PMM2: variants seen among roughly 807,000 people sequenced by gnomAD.
The protein encoded by PMM2 is phosphomannomutase 2.
Under a neutral mutation model 33.2 loss-of-function variants are expected in PMM2, and 35 were observed. That is an observed-to-expected ratio of 1.06 (90% confidence interval 0.81 to 1.40). The LOEUF is 1.40. Ranked by LOEUF, PMM2 falls within the 40% of genes most tolerant of loss-of-function variation. The pLI is 0.00. For missense variants in PMM2, 386 were observed against 306.0 expected, an observed-to-expected ratio of 1.26 and a Z score of -1.95; for synonymous variants, 153 against 114.7, an observed-to-expected ratio of 1.33 and a Z score of -2.13.
chr16:8,811,478 C>G (rs768372026), intron 5 of PMM2, among the ~76,000 whole-genome samples, 160 bp from the exon 6 acceptor site: 1 of 152,170 alleles, frequency 6.6e-6, no homozygotes, highest in Non-Finnish European at 1.5e-5. Flanking sequence ...TATGATCATG[C>G]CACTGCGCTC....
chr16:8,836,062 A>T (rs11862263), intron 7 of PMM2, among the ~76,000 whole-genome samples: 1 of 150,760 alleles, frequency 6.6e-6, no homozygotes. Flanking sequence ...AATTGGCACC[A>T]GAGTTGGGGA....
intron 7 of PMM2, among the ~76,000 whole-genome samples, chr16:8,840,509 T>TG (rs1253944553): frequency 6.6e-6 from 1 of 151,888 alleles, no homozygotes; most frequent in Non-Finnish European, 1.5e-5. Flanking sequence ...GCCTAAGTGG[T>TG]GGGGGTGACT....
At chr16:8,827,790 ATATTT>A (rs1487494028) in intron 7 of PMM2, among the ~76,000 whole-genome samples, 64 of 56,244 alleles carry the variant, frequency 1.1e-3, no homozygotes, top group South Asian at 1.4e-3. Flanking sequence ...ATATTTATAT[ATATTT>A]ATACATATTT....
At chr16:8,811,248 G>A (rs753752196) in intron 5 of PMM2, 70 bp downstream of exon 5, 55 of 1,036,072 alleles carry the variant, frequency 5.3e-5, no homozygotes, top group Non-Finnish European at 7.6e-5. Context: ...TGGTGTGGTG[G>A]TTCATGCCTG....
intron 7 of PMM2, chr16:8,842,073 C>A (rs1312269381): frequency 2.0e-5 from 3 of 149,900 alleles, no homozygotes; most frequent in Non-Finnish European, 3.0e-5. Flanking sequence ...AGAAAGGCTA[C>A]AGGGTGTGGT....
At chr16:8,800,699 T>C (rs1419531072) in intron 1 of PMM2, among the ~76,000 whole-genome samples, 6 of 152,108 alleles carry the variant, frequency 3.9e-5, no homozygotes, top group African/African-American at 1.4e-4. Flanking sequence ...TTTGTTTTGT[T>C]TTGAGACGAA....
At chr16:8,834,531 G>C (rs2060831202) in intron 7 of PMM2, among the ~76,000 whole-genome samples, 1 of 152,094 alleles carries the variant, frequency 6.6e-6, no homozygotes, top group Non-Finnish European at 1.5e-5. Context: ...GGCATGTTGA[G>C]TGAAGCTAAT....
In PMM2 at chr16:8,837,376, CATTT is replaced by C. The variant is rs1157928723; in HGVS notation, c.640-10342_640-10339del. On this transcript the variant is annotated intron_variant, in intron 7 of 7. Transcript: ENST00000268261. The stretch of plus-strand genomic sequence containing the variant: ...AGTGGAATTGCAGAAGAAAATAAGG[CATTT>C]ATTTAGGTTTTAGGTCAGGTGTGAG... 5.3e-5 allele frequency among the ~76,000 whole-genome samples: 8 copies of C among 151,810 alleles called. 1 individual carries two copies. Among genetic ancestry groups the C allele is most frequent in the Non-Finnish European group, 5.9e-5 (4 of 67,958 alleles).
chr16:8,798,239 G>T (rs951252099), intron 1 of PMM2, among the ~76,000 whole-genome samples: 1 of 152,208 alleles, frequency 6.6e-6, no homozygotes, highest in East Asian at 1.9e-4. Flanking sequence ...GCTCGGGACT[G>T]ATAGACCAGG....
intron 7 of PMM2, among the ~76,000 whole-genome samples, chr16:8,845,980 C>T (rs1423670228): frequency 6.6e-6 from 1 of 152,148 alleles, no homozygotes; most frequent in East Asian, 1.9e-4. Context: ...GAACTGATTT[C>T]ACATGTGTAG....
intron 7 of PMM2, chr16:8,832,468 G>T: frequency 1.0e-6 from 1 of 985,416 alleles, no homozygotes; most frequent in Non-Finnish European, 1.2e-6. Flanking sequence ...CCCCCAGCAG[G>T]ACCACGGGAG....
intron 7 of PMM2, 29 bp downstream of exon 7, chr16:8,813,135 A>G (rs1381234892): frequency 2.1e-5 from 29 of 1,354,416 alleles, no homozygotes; most frequent in Admixed American, 5.0e-5. Flanking sequence ...GTGCACCTTC[A>G]TTGTTGCATT....
At chr16:8,837,582 GGATTGGGGCACAGAGATATAAGA>G (rs1567168378) in intron 7 of PMM2, among the ~76,000 whole-genome samples, 1 of 151,808 alleles carries the variant, frequency 6.6e-6, no homozygotes. Context: ...CGGAAATAAG[GGATTGGGGCACAGAGATATAAGA>G]GATTGGGGCG....
intron 7 of PMM2, among the ~76,000 whole-genome samples, chr16:8,815,434 T>G (rs1039743689): frequency 1.2e-4 from 19 of 152,320 alleles, no homozygotes; most frequent in Admixed American, 7.2e-4. Context: ...TTTTGCCACA[T>G]TGGCCAGGCT....
chr16:8,797,839 C>A lies in PMM2; in HGVS notation c.-44C>A, dbSNP rs114547149. ...AACCCGGAAGTTCCGGGCCGAGTTC[C>A]TCGTGCCAACGTGTCTTGTAAGGTG... On this transcript the variant is annotated 5_prime_UTR_variant, in exon 1 of 8. Coordinates refer to ENST00000268261, the MANE Select transcript of PMM2 (RefSeq NM_000303.3). The A allele has an allele frequency of 1.4e-5, 23 of 1,598,398 alleles. No homozygotes were observed. Among genetic ancestry groups the A allele is most frequent in the Non-Finnish European group, 2.0e-5 (23 of 1,171,748 alleles).
intron 7 of PMM2, among the ~76,000 whole-genome samples, chr16:8,843,328 TC>T (rs1377057964): frequency 6.6e-6 from 1 of 152,236 alleles, no homozygotes; most frequent in East Asian, 1.9e-4. Flanking sequence ...TCTGGGGGCT[TC>T]CAAGGCGATT....
Position 8,849,247 on chromosome 16 carries a change from A to G in PMM2, c.*1422A>G, listed in dbSNP as rs2060950208. ...AGTGACTCACAGGACACAGCCATCC[A>G]GCGGCATCTTTCCTTGTCGAATGAT... On this transcript the variant is annotated 3_prime_UTR_variant, in exon 8 of 8. Transcript: ENST00000268261. 6.6e-6 allele frequency: 1 copy of G among 152,320 alleles called. No individual in the cohort carries two copies. Among genetic ancestry groups the G allele is most frequent in the South Asian group, 2.1e-4 (1 of 4,834 alleles). 9.4% of individuals were successfully genotyped at this position (152,320 alleles called of 1,614,324 possible).
At chr16:8,823,785 G>A (rs6498123) in intron 7 of PMM2, among the ~76,000 whole-genome samples, 135,075 of 152,216 alleles carry the variant, frequency 0.89, 60,400 homozygotes, top group East Asian at 0.97. Context: ...AAAAAGTGAC[G>A]GTCTTTATTT....
intron 7 of PMM2, among the ~76,000 whole-genome samples, chr16:8,833,440 T>C (rs980842169): frequency 6.6e-6 from 1 of 152,214 alleles, no homozygotes; most frequent in African/African-American, 2.4e-5. Context: ...GGGGATGCGA[T>C]GGCTTGGCTT....
Sources: allele counts gnomAD v4.1 joint callset (sites outside exome capture counted in the v4.1 genomes callset), GRCh38; gene constraint gnomAD v4.1.1; transcripts MANE v1.5; gene names NCBI Gene and HGNC (gene_info 2026-07-23, HGNC 2026-07-21).